The following COL25A1 variants were observed in gnomAD, a reference collection of about 807,000 sequenced individuals.
COL25A1 encodes collagen type XXV alpha 1 chain, also known as collagen alpha-1(XXV) chain.
A neutral mutation model predicts 128.4 loss-of-function variants in COL25A1; 103 were observed. The observed-to-expected ratio is 0.80, with a 90% CI of 0.68 to 0.94. The LOEUF (loss-of-function observed/expected upper bound fraction) is 0.94, where lower values mean the gene tolerates loss of function less well. COL25A1 is among the 40% of genes least tolerant of loss of function. The pLI is 0.00. For synonymous variants in COL25A1, 279 were observed against 277.2 expected (o/e 1.01, Z -0.06); for missense variants, 745 against 840.0 (o/e 0.89, Z 1.40).
intron 3 of COL25A1, among the ~76,000 whole-genome samples, chr4:109,168,602 G>A (rs557980206): frequency 2.4e-4 from 37 of 152,136 alleles, no homozygotes; most frequent in African/African-American, 8.9e-4. Context: ...ATATACCGAT[G>A]GAGTTCCAGT....
intron 3 of COL25A1, among the ~76,000 whole-genome samples, chr4:109,227,983 C>T (rs1039542900): frequency 2.6e-5 from 4 of 152,168 alleles, no homozygotes; most frequent in Non-Finnish European, 4.4e-5. Context: ...CCAAAAGCCT[C>T]AGGACCTGGG....
intron 31 of COL25A1, among the ~76,000 whole-genome samples, chr4:108,835,145 A>G (rs1037061309): frequency 3.3e-5 from 5 of 152,226 alleles, no homozygotes; most frequent in African/African-American, 7.2e-5. Context: ...TTCTCAGACA[A>G]TGCATGCTTT....
At chr4:109,220,548 T>A (rs1778338316) in intron 3 of COL25A1, among the ~76,000 whole-genome samples, 1 of 152,188 alleles carries the variant, frequency 6.6e-6, no homozygotes, top group African/African-American at 2.4e-5. Context: ...ATGTATCAAC[T>A]ATGGTAATGA....
intron 8 of COL25A1, among the ~76,000 whole-genome samples, chr4:108,971,571 G>A (rs1002286944): frequency 6.6e-6 from 1 of 152,184 alleles, no homozygotes; most frequent in Non-Finnish European, 1.5e-5. Flanking sequence ...AAAGTGCAGT[G>A]TGTCTGAAGA....
chr4:109,050,105 T>A (rs1760841977), intron 4 of COL25A1, 30 bp downstream of exon 4: 1 of 1,593,264 alleles, frequency 6.3e-7, no homozygotes, highest in Admixed American at 1.7e-5. Context: ...AGAACATGAG[T>A]GACACAGAGC....
At chr4:109,297,553 C>A (rs2126290528) in intron 3 of COL25A1, among the ~76,000 whole-genome samples, 1 of 143,562 alleles carries the variant, frequency 7.0e-6, no homozygotes, top group South Asian at 2.2e-4. Context: ...TTATATAGCA[C>A]CAAGAAATAC....
In COL25A1 at chr4:108,848,354, T is replaced by C. The variant is rs116821112; in HGVS notation, c.1434+405A>G. Among the ~76,000 whole-genome samples, 639 of 152,280 alleles carry C rather than the reference T, an allele frequency of 4.2e-3. 5 individuals carry two copies. The highest frequency in any genetic ancestry group is 0.015 in the African/African-American group (613 of 41,560). On this transcript the variant is annotated intron_variant, in intron 27 of 37. Coordinates refer to ENST00000399132, the MANE Select transcript of COL25A1 (RefSeq NM_198721.4). ...TCTAGGGATTAGGTGTCATCTTTAT[T>C]TGGGAAAAGAAAACATTGTCTAAAA...
intron 3 of COL25A1, among the ~76,000 whole-genome samples, chr4:109,054,195 T>C (rs1234810369): frequency 6.6e-6 from 1 of 152,200 alleles, no homozygotes; most frequent in Non-Finnish European, 1.5e-5. Flanking sequence ...GTGAACAAGA[T>C]TGCAAGAGAT....
intron 3 of COL25A1, among the ~76,000 whole-genome samples, chr4:109,145,260 G>C (rs1188834087): frequency 6.6e-6 from 1 of 151,796 alleles, no homozygotes; most frequent in African/African-American, 2.4e-5. Context: ...GTAGAGACGG[G>C]GTTTCACTGT....
chr4:109,218,357 G>GTTTTTTTTTTTTTGTTTTT (rs1778170328), intron 3 of COL25A1, among the ~76,000 whole-genome samples: 1 of 73,566 alleles, frequency 1.4e-5, no homozygotes, highest in Admixed American at 2.1e-4. Flanking sequence ...GTTTTTTGGG[G>GTTTTTTTTTTTTTGTTTTT]TTTTTTTTTT....
chr4:108,890,481 C>A (rs2125846213), intron 16 of COL25A1, among the ~76,000 whole-genome samples: 1 of 152,210 alleles, frequency 6.6e-6, no homozygotes, highest in Non-Finnish European at 1.5e-5. Context: ...TTCTCTAAAG[C>A]AAATGTGTTA....
intron 3 of COL25A1, among the ~76,000 whole-genome samples, chr4:109,280,903 C>T (rs1183781328): frequency 6.6e-6 from 1 of 151,974 alleles, no homozygotes. Flanking sequence ...CCTCGACCTC[C>T]CAAAGTGGCT....
rs80252600 is a variant in COL25A1, at chr4:109,022,297, G to A, written c.421-11922C>T. Reference sequence around the variant, plus strand: ...GAACCTACACTGAAATATTGGGGGCGGGTTCCCCCGATATTTCACGATCCA... The same window carrying A: ...GAACCTACACTGAAATATTGGGGGCAGGTTCCCCCGATATTTCACGATCCA... On this transcript the variant is annotated intron_variant, in intron 5 of 37. Coordinates refer to ENST00000399132, the MANE Select transcript of COL25A1 (RefSeq NM_198721.4). 7.0e-3 allele frequency: 2,576 copies of A among 369,434 alleles called. 12 individuals carry two copies. Among genetic ancestry groups the A allele is most frequent in the Non-Finnish European group, 0.01 (1,921 of 184,554 alleles). The allele number at this position is 369,434 out of a possible 1,614,324, so 22.9% of individuals were successfully genotyped here.
chr4:108,909,221 A>G (rs1743916378), intron 13 of COL25A1, among the ~76,000 whole-genome samples: 1 of 152,194 alleles, frequency 6.6e-6, no homozygotes, highest in Non-Finnish European at 1.5e-5. Flanking sequence ...TAAAAGCAAG[A>G]TGGAGTTGGT....
At chr4:109,244,632 G>A (rs1183730182) in intron 3 of COL25A1, among the ~76,000 whole-genome samples, 6 of 152,060 alleles carry the variant, frequency 3.9e-5, no homozygotes. Context: ...TACCCAAGAT[G>A]CAGTATTTTT....
At chr4:109,114,745 G>A (rs1185217669) in intron 3 of COL25A1, among the ~76,000 whole-genome samples, 1 of 152,056 alleles carries the variant, frequency 6.6e-6, no homozygotes, top group Non-Finnish European at 1.5e-5. Context: ...TTTCCTTTAT[G>A]AAAGGCATGT....
At chr4:109,002,314 T>A (rs1755518395) in intron 6 of COL25A1, among the ~76,000 whole-genome samples, 1 of 152,222 alleles carries the variant, frequency 6.6e-6, no homozygotes, top group Admixed American at 6.5e-5. Flanking sequence ...TCAACCTAAA[T>A]GTCTATTAGC....
intron 3 of COL25A1, among the ~76,000 whole-genome samples, chr4:109,101,522 T>C (rs1218762561): frequency 6.6e-6 from 1 of 152,124 alleles, no homozygotes; most frequent in South Asian, 2.1e-4. Context: ...GATTTCAAAA[T>C]ATGCAAAAAT....
intron 24 of COL25A1, among the ~76,000 whole-genome samples, chr4:108,853,664 C>G (rs142874988): frequency 0.046 from 7,054 of 152,042 alleles, 547 homozygotes; most frequent in African/African-American, 0.16. Context: ...TATCCCTCCC[C>G]TTGCCCCCCA....
Sources: gnomAD v4.1 joint callset for allele counts (sites outside exome capture counted in the v4.1 genomes callset) on GRCh38, gnomAD v4.1.1 for gene constraint, MANE v1.5 for transcripts, NCBI Gene and HGNC (gene_info 2026-07-23, HGNC 2026-07-21) for gene names.